Variants in ANKRD27 observed in about 807,000 individuals in gnomAD.
ANKRD27 encodes the protein ankyrin repeat domain 27, also known as ankyrin repeat domain-containing protein 27.
Under a neutral mutation model 129.7 loss-of-function variants are expected in ANKRD27, and 112 were observed. That is an observed-to-expected ratio of 0.86 (90% CI 0.74 to 1.01). The LOEUF is 1.01. Ranked by LOEUF, ANKRD27 falls within the 50% of genes least tolerant of loss-of-function variation. The pLI is 0.00. For missense variants in ANKRD27, 1,258 were observed against 1,300.5 expected (o/e 0.97, Z 0.50); for synonymous variants, 516 against 511.2 (o/e 1.01, Z -0.13).
intron 26 of ANKRD27, chr19:32,600,279 C>T: frequency 2.6e-6 from 1 of 382,308 alleles, no homozygotes; most frequent in Non-Finnish European, 4.9e-6. Flanking sequence ...GTGGCTCATG[C>T]CTGTAATCCC....
intron 5 of ANKRD27, chr19:32,643,873 G>T: frequency 5.5e-6 from 3 of 549,738 alleles, no homozygotes; most frequent in South Asian, 2.2e-5. Flanking sequence ...TTTACCACTT[G>T]GTTTGTTTTT....
At chr19:32,648,248 AGAGT>A (rs539410588) in intron 3 of ANKRD27, among the ~76,000 whole-genome samples, 1,887 of 152,006 alleles carry the variant, frequency 0.012, 49 homozygotes, top group African/African-American at 0.043. Flanking sequence ...CCTGGGTGAC[AGAGT>A]GAGACTCCGC....
chr19:32,639,629 T>G (rs1323049692), intron 11 of ANKRD27, 141 bp from the exon 12 acceptor site: 2 of 827,832 alleles, frequency 2.4e-6, no homozygotes, highest in Admixed American at 2.2e-5. Flanking sequence ...CCCCTGGATC[T>G]CTCTGCAGAG....
intron 2 of ANKRD27, among the ~76,000 whole-genome samples, chr19:32,651,262 T>C (rs1331752026): frequency 6.6e-6 from 1 of 152,124 alleles, no homozygotes; most frequent in Non-Finnish European, 1.5e-5. Flanking sequence ...GGGTATTTAA[T>C]GCTTGAAGTC....
At position 32,615,729 on chromosome 19, in the gene ANKRD27, T is replaced by C. The variant is rs1258906160; in HGVS notation, c.2104A>G (p.Thr702Ala). 2.5e-6 allele frequency: 4 copies of C among 1,614,192 alleles called. No individual in the cohort carries two copies. The highest frequency in any genetic ancestry group is 2.5e-6 in the Non-Finnish European group (3 of 1,180,034). Residue 702 changes from threonine to alanine, a missense_variant, in exon 22 of 29, where the codon ACT (threonine) becomes GCT (alanine). By Grantham distance (58) the Thr-to-Ala change is moderately conservative. Coordinates refer to ENST00000306065, the MANE Select transcript of ANKRD27 (RefSeq NM_032139.3). The stretch of plus-strand genomic sequence containing the variant: ...AATTCGGGGTCCGCTGCACTGACAG[T>C]GTCCTCCGCATCCTCCAGGTCCTCC... ...TEEDLEDAED[T>A]VSAADPEFCH...
intron 1 of ANKRD27, among the ~76,000 whole-genome samples, chr19:32,662,814 G>A (rs1233231231): frequency 8.6e-5 from 13 of 151,968 alleles, no homozygotes; most frequent in African/African-American, 2.7e-4. Context: ...AGGCCTAGGC[G>A]GGTGGGTCAC....
Position 32,625,979 on chromosome 19 carries a change from A to G in ANKRD27, c.1537-13T>C, listed in dbSNP as rs767145352. 2 of 1,596,014 alleles carry G rather than the reference A, an allele frequency of 1.3e-6. No individual in the cohort carries two copies. The highest frequency in any genetic ancestry group is 1.7e-6 in the Non-Finnish European group (2 of 1,174,178). ...GCAGCAGCAGCAGCTGCGGAGATAA[A>G]GGAAAGCGATGAGCAGGGCACAGCC... is the stretch of plus-strand genomic sequence containing the variant. On this transcript the variant is annotated splice_polypyrimidine_tract_variant and intron_variant, in intron 16 of 28. Transcript: ENST00000306065.
intron 18 of ANKRD27, among the ~76,000 whole-genome samples, chr19:32,621,220 G>A (rs1364194786): frequency 6.6e-6 from 1 of 152,202 alleles, no homozygotes; most frequent in Non-Finnish European, 1.5e-5. Flanking sequence ...AGTGGCTCAT[G>A]CCTGTAATGC....
intron 26 of ANKRD27, 26 bp downstream of exon 26, chr19:32,601,989 G>C (rs745887266): frequency 4.8e-6 from 7 of 1,449,120 alleles, no homozygotes; most frequent in Non-Finnish European, 6.8e-6. Flanking sequence ...CAACTTGAGC[G>C]TGACAGAAAG....
intron 2 of ANKRD27, among the ~76,000 whole-genome samples, chr19:32,651,920 G>C (rs1420463670): frequency 6.6e-6 from 1 of 152,298 alleles, no homozygotes; most frequent in East Asian, 1.9e-4. Flanking sequence ...ATAAAAAGGA[G>C]CTCTAGTTCC....
intron 15 of ANKRD27, 91 bp downstream of exon 15, chr19:32,627,992 C>G: frequency 8.2e-7 from 1 of 1,217,738 alleles, no homozygotes; most frequent in South Asian, 1.3e-5. Flanking sequence ...CAACCCCCAC[C>G]CAGCCCATCA....
chr19:32,657,201 C>T (rs1967554735), intron 2 of ANKRD27, among the ~76,000 whole-genome samples: 1 of 152,100 alleles, frequency 6.6e-6, no homozygotes, highest in African/African-American at 2.4e-5. Context: ...TGGTGGCTCA[C>T]ACCTGTAATT....
Position 32,616,810 on chromosome 19 carries a change from C to G in ANKRD27, c.2052+779G>C, listed in dbSNP as rs10416758. Among the ~76,000 whole-genome samples the G allele has an allele frequency of 7.2e-5, 11 of 152,060 alleles. No individual in the cohort carries two copies. In the South Asian group the frequency reaches 2.3e-3, roughly 32 times the overall value. On this transcript the variant is annotated intron_variant, in intron 21 of 28. Transcript: ENST00000306065. ...GAGCCTCAAGCCTCAGGCCCCCTCT[C>G]GTGGCCCAGGAGTCCCAGCTGACCA...
chr19:32,611,119 GAGGTTTTAGA>G (rs1971829549), intron 22 of ANKRD27, among the ~76,000 whole-genome samples: 1 of 152,172 alleles, frequency 6.6e-6, no homozygotes, highest in Non-Finnish European at 1.5e-5. Flanking sequence ...AAGAGAATAA[GAGGTTTTAGA>G]AGTACAGGGA....
chr19:32,613,202 A>T (rs539858786), intron 22 of ANKRD27, among the ~76,000 whole-genome samples: 1 of 152,336 alleles, frequency 6.6e-6, no homozygotes, highest in South Asian at 2.1e-4. Context: ...CATTAGAGAA[A>T]TGCAAATTAA....
intron 2 of ANKRD27, among the ~76,000 whole-genome samples, chr19:32,656,399 T>C (rs533148324): frequency 4.6e-5 from 7 of 152,338 alleles, no homozygotes; most frequent in African/African-American, 1.7e-4. Context: ...CCCGTACTTT[T>C]CCTCTGCGAC....
intron 1 of ANKRD27, among the ~76,000 whole-genome samples, chr19:32,667,621 G>A (rs1031124081): frequency 4.6e-5 from 7 of 152,146 alleles, no homozygotes; most frequent in Admixed American, 2.0e-4. Flanking sequence ...TTCGGAGGCC[G>A]AGGTGGGCGG....
At chr19:32,638,740 T>G (rs1050600185) in intron 12 of ANKRD27, 1 of 153,026 alleles carries the variant, frequency 6.5e-6, no homozygotes, top group East Asian at 1.9e-4. Context: ...CAGCCTTGCA[T>G]GGAGCAGGAC....
chr19:32,626,467 T>A (rs957698897), intron 16 of ANKRD27, among the ~76,000 whole-genome samples: 2 of 151,180 alleles, frequency 1.3e-5, no homozygotes, highest in Non-Finnish European at 2.9e-5. Context: ...AGCTACCACA[T>A]CTGGCCAGGA....
Sources: gnomAD v4.1 joint callset for allele counts (sites outside exome capture counted in the v4.1 genomes callset) on GRCh38, gnomAD v4.1.1 for gene constraint, MANE v1.5 for transcripts, NCBI Gene and HGNC (gene_info 2026-07-23, HGNC 2026-07-21) for gene names.